The following PCDH9 variants were observed in gnomAD, a reference collection of about 807,000 sequenced individuals.
PCDH9 encodes protocadherin 9, also known as protocadherin-9.
Under a neutral mutation model 70.6 loss-of-function variants are expected in PCDH9, and 24 were observed. The observed-to-expected ratio is 0.34, with a 90% CI of 0.25 to 0.48. The LOEUF is 0.48. Ranked by LOEUF, PCDH9 falls within the 20% of genes least tolerant of loss-of-function variation. PCDH9 has a pLI of 0.99. For synonymous variants in PCDH9, 562 were observed against 558.5 expected, an observed-to-expected ratio of 1.01 and a Z score of -0.09; for missense variants, 1,281 against 1,503.6, an observed-to-expected ratio of 0.85 and a Z score of 2.45.
intron 3 of PCDH9, among the ~76,000 whole-genome samples, chr13:66,669,780 T>C (rs2078146105): frequency 6.6e-6 from 1 of 152,224 alleles, no homozygotes; most frequent in Admixed American, 6.5e-5. Flanking sequence ...TTCTCTTTCA[T>C]TCCACGGTGG....
chr13:66,987,756 G>A (rs2083922520), intron 2 of PCDH9, among the ~76,000 whole-genome samples: 1 of 151,696 alleles, frequency 6.6e-6, no homozygotes, highest in Admixed American at 6.6e-5. Context: ...ATATTCTTAT[G>A]GTTTTAAGCA....
At chr13:66,417,882 G>T (rs192049041) in intron 4 of PCDH9, among the ~76,000 whole-genome samples, 356 of 152,244 alleles carry the variant, frequency 2.3e-3, no homozygotes, top group Non-Finnish European at 3.5e-3. Context: ...ATTTGTTTAC[G>T]TTCCTTGTAG....
chr13:67,126,404 A>G lies in PCDH9; in HGVS notation c.3036+99001T>C, dbSNP rs2086981294. Among the ~76,000 whole-genome samples the G allele has an allele frequency of 3.9e-5, 6 of 152,322 alleles. No individual in the cohort carries two copies. In the South Asian group the frequency reaches 1.2e-3, roughly 32 times the overall value. On this transcript the variant is annotated intron_variant, in intron 2 of 4. Coordinates refer to ENST00000377865, the MANE Select transcript of PCDH9 (RefSeq NM_203487.3). Reference sequence around the variant, plus strand: ...TTTAAATATGAAAGCAAAGCATTACATTGTGGTTAGATACCAAGAATACTT... The same window carrying G: ...TTTAAATATGAAAGCAAAGCATTACGTTGTGGTTAGATACCAAGAATACTT...
chr13:66,577,994 A>G (rs1284949275), intron 4 of PCDH9, among the ~76,000 whole-genome samples: 1 of 152,098 alleles, frequency 6.6e-6, no homozygotes, highest in Non-Finnish European at 1.5e-5. Context: ...TTAGCTTGAA[A>G]TCAAAATTAA....
At chr13:66,969,250 T>G (rs1432695205) in intron 2 of PCDH9, among the ~76,000 whole-genome samples, 1 of 152,140 alleles carries the variant, frequency 6.6e-6, no homozygotes, top group Non-Finnish European at 1.5e-5. Flanking sequence ...TATGAATCAG[T>G]GTTAAGCCCA....
chr13:67,084,795 C>T (rs2138193168), intron 2 of PCDH9, among the ~76,000 whole-genome samples: 1 of 150,596 alleles, frequency 6.6e-6, no homozygotes, highest in Non-Finnish European at 1.5e-5. Context: ...GGTGAAACCC[C>T]GTCTCTATTA....
chr13:66,756,965 T>C (rs2079547306), intron 3 of PCDH9, among the ~76,000 whole-genome samples: 1 of 152,114 alleles, frequency 6.6e-6, no homozygotes, highest in Admixed American at 6.6e-5. Context: ...GCCTCCCAAG[T>C]AGCTGGGACT....
intron 2 of PCDH9, among the ~76,000 whole-genome samples, chr13:66,931,890 G>A (rs141529611): frequency 1.0e-3 from 155 of 152,212 alleles, no homozygotes; most frequent in African/African-American, 3.1e-3. Context: ...TGGAGTGGCT[G>A]AGAAAATTTA....
intron 2 of PCDH9, among the ~76,000 whole-genome samples, chr13:67,176,355 A>G (rs2088456552): frequency 6.6e-6 from 1 of 152,050 alleles, no homozygotes; most frequent in Admixed American, 6.6e-5. Context: ...GCTTAACCAG[A>G]TGATCTGCCT....
intron 3 of PCDH9, among the ~76,000 whole-genome samples, chr13:66,658,637 G>T (rs2077964460): frequency 6.6e-6 from 1 of 152,036 alleles, no homozygotes; most frequent in African/African-American, 2.4e-5. Context: ...TCTTAAACAT[G>T]TATCTATACA....
intron 2 of PCDH9, among the ~76,000 whole-genome samples, chr13:66,945,467 G>A (rs1347653739): frequency 6.6e-6 from 1 of 152,128 alleles, no homozygotes; most frequent in Non-Finnish European, 1.5e-5. Context: ...AAGGGTAAAA[G>A]GGAAGCATTC....
Position 66,921,183 on chromosome 13 carries a change from G to A in PCDH9, c.3037-17578C>T, listed in dbSNP as rs193016909. 2.1e-3 allele frequency among the ~76,000 whole-genome samples: 324 copies of A among 150,866 alleles called. 1 individual carries two copies. The highest frequency in any genetic ancestry group is 7.6e-3 in the African/African-American group (314 of 41,326). Reference sequence around the variant, plus strand: ...ACTGAGTTGTGTCAGAGAATCCCCTGGTAAATCAGAAGATTCAAGACAAAA... The same window carrying A: ...ACTGAGTTGTGTCAGAGAATCCCCTAGTAAATCAGAAGATTCAAGACAAAA... On this transcript the variant is annotated intron_variant, in intron 2 of 4. Coordinates refer to ENST00000377865, the MANE Select transcript of PCDH9 (RefSeq NM_203487.3).
intron 2 of PCDH9, among the ~76,000 whole-genome samples, chr13:67,184,642 G>A (rs2088702524): frequency 6.6e-6 from 1 of 152,092 alleles, no homozygotes; most frequent in African/African-American, 2.4e-5. Context: ...GAGGCAGGAG[G>A]ATCGCTTGAA....
chr13:66,384,414 T>A (rs1956895143), intron 4 of PCDH9, among the ~76,000 whole-genome samples: 1 of 152,060 alleles, frequency 6.6e-6, no homozygotes, highest in African/African-American at 2.4e-5. Context: ...AGAAAAAAAA[T>A]TATTGCACAT....
At chr13:66,394,472 T>C (rs1427671614) in intron 4 of PCDH9, among the ~76,000 whole-genome samples, 3 of 152,192 alleles carry the variant, frequency 2.0e-5, no homozygotes, top group South Asian at 2.1e-4. Context: ...ATGGCCCTTT[T>C]CTTTACTGTT....
chr13:66,856,574 T>C (rs1329109409), intron 3 of PCDH9, among the ~76,000 whole-genome samples: 4 of 152,070 alleles, frequency 2.6e-5, no homozygotes, highest in African/African-American at 9.7e-5. Flanking sequence ...TTTCTCATTA[T>C]CCTTCCTCTG....
chr13:66,761,211 C>A (rs900875433), intron 3 of PCDH9, among the ~76,000 whole-genome samples: 7 of 152,020 alleles, frequency 4.6e-5, no homozygotes, highest in African/African-American at 9.7e-5. Flanking sequence ...CATCACGGAA[C>A]CTGCTGACAT....
intron 3 of PCDH9, among the ~76,000 whole-genome samples, chr13:66,841,264 T>C (rs2081111985): frequency 6.6e-6 from 1 of 152,166 alleles, no homozygotes; most frequent in Non-Finnish European, 1.5e-5. Context: ...TATAGGCACA[T>C]ATAAAAGTCT....
intron 2 of PCDH9, among the ~76,000 whole-genome samples, chr13:66,917,599 T>C (rs1489615277): frequency 6.6e-6 from 1 of 151,512 alleles, no homozygotes; most frequent in East Asian, 1.9e-4. Context: ...AATAAGTTTA[T>C]GGAAAAGAAG....
Sources: gnomAD v4.1 joint callset for allele counts (sites outside exome capture counted in the v4.1 genomes callset) on GRCh38, gnomAD v4.1.1 for gene constraint, MANE v1.5 for transcripts, NCBI Gene and HGNC (gene_info 2026-07-23, HGNC 2026-07-21) for gene names.